Variants in SPINT2 observed in about 807,000 individuals in gnomAD.
The protein encoded by SPINT2 is kunitz-type protease inhibitor 2.
In SPINT2, 18 loss-of-function variants were observed where a neutral mutation model predicts 30.1. The ratio of observed to expected loss-of-function variants is 0.60; its 90% confidence interval spans 0.41 to 0.89. The LOEUF (loss-of-function observed/expected upper bound fraction) is 0.89. Among genes scored for constraint, SPINT2 ranks in the 40% least tolerant of loss-of-function variants. The pLI, the probability that SPINT2 is intolerant of heterozygous loss-of-function variation, is 0.00. For synonymous variants in SPINT2, 139 were observed against 137.9 expected (o/e 1.01, Z -0.05); for missense variants, 276 against 334.3 (o/e 0.83, Z 1.36).
chr19:38,264,974 G>T lies in SPINT2; in HGVS notation c.82G>T (p.Ala28Ser). The T allele has an allele frequency of 1.3e-6, 2 of 1,534,826 alleles. No individual in the cohort carries two copies. ...GSLLLSGVLA[A>S]DRERSIHDFC... ...GCTGCTCCTCTCTGGGGTCCTGGCG[G>T]CCGACCGAGAACGCAGCATCCACGG... Residue 28 changes from alanine to serine, a missense_variant, in exon 1 of 7, where the codon GCC becomes TCC. Physicochemically the swap from Ala to Ser is moderately conservative, Grantham distance 99. Coordinates refer to ENST00000301244, the MANE Select transcript of SPINT2 (RefSeq NM_021102.4).
At chr19:38,279,227 G>A (rs1347263631) in intron 1 of SPINT2, among the ~76,000 whole-genome samples, 7 of 151,280 alleles carry the variant, frequency 4.6e-5, no homozygotes, top group African/African-American at 1.2e-4. Flanking sequence ...GGCCAGGTGC[G>A]GTGGCTCGTG....
At position 38,290,098 on chromosome 19, in the gene SPINT2, C is replaced by A; in HGVS notation, c.392-21C>A. 6.2e-7 allele frequency: 1 copy of A among 1,612,230 alleles called. No individual in the cohort carries two copies. Among genetic ancestry groups the A allele is most frequent in the Non-Finnish European group, 8.5e-7 (1 of 1,180,008 alleles). On this transcript the variant is annotated intron_variant, in intron 4 of 6. Transcript: ENST00000301244. This position sits in a 1 kb window ranked among gnomAD's most constrained non-coding sequence, Gnocchi z 4.3. ...TTGCGGGCCCTACTAATTTGTATTCCCTGGGCTGTCTTACTCCTAGAATAC... is the reference window on the plus strand; with the variant it reads ...TTGCGGGCCCTACTAATTTGTATTCACTGGGCTGTCTTACTCCTAGAATAC...
At position 38,292,420 on chromosome 19, in the gene SPINT2, TA is replaced by T. The variant is rs1225881060; in HGVS notation, c.*416del. ...AGAAGGAAAGTAAAATGTACAAGTTTAATAAAAAGGGGCCTTCCCCTTTAGA... is the reference window on the plus strand; with the variant it reads ...AGAAGGAAAGTAAAATGTACAAGTTTATAAAAAGGGGCCTTCCCCTTTAGA... On this transcript the variant is annotated 3_prime_UTR_variant, in exon 7 of 7. Transcript: ENST00000301244. 1 of 169,740 alleles carries T rather than the reference TA, an allele frequency of 5.9e-6. No individual in the cohort carries two copies. Among genetic ancestry groups the T allele is most frequent in the South Asian group, 1.4e-4 (1 of 7,192 alleles). The allele number at this position is 169,740 out of a possible 1,614,324, so 10.5% of individuals were successfully genotyped here. A position where few individuals can be genotyped will look rare whatever the true frequency, so the allele number is the denominator to read the frequency against.
At chr19:38,289,511 A>C (rs954691873) in intron 4 of SPINT2, 4 of 232,302 alleles carry the variant, frequency 1.7e-5, no homozygotes, top group East Asian at 1.1e-4. Flanking sequence ...AAAAAAAAAA[A>C]AACTCCGAAG....
chr19:38,290,735 C>A lies in SPINT2; in HGVS notation c.592+160C>A. 9.6e-7 allele frequency: 1 copy of A among 1,045,652 alleles called. No individual in the cohort carries two copies. The highest frequency in any genetic ancestry group is 1.4e-6 in the Non-Finnish European group (1 of 704,356). 64.8% of individuals were successfully genotyped at this position (1,045,652 alleles called of 1,614,324 possible). On this transcript the variant is annotated intron_variant, in intron 6 of 6. Coordinates refer to ENST00000301244, the MANE Select transcript of SPINT2 (RefSeq NM_021102.4). The surrounding 1 kb of genome is among the most constrained non-coding windows in gnomAD (Gnocchi z 4.3). The stretch of plus-strand genomic sequence containing the variant: ...TGAGAATGGCGAGGTGGTGGTTTGT[C>A]CCACCGTTCAGTGTACACAGTTGGG...
intron 1 of SPINT2, among the ~76,000 whole-genome samples, chr19:38,271,219 C>T (rs1446120490): frequency 1.3e-5 from 2 of 152,258 alleles, no homozygotes; most frequent in African/African-American, 4.8e-5. Context: ...AGGCCGGGCG[C>T]GGTGGCTCAT....
intron 3 of SPINT2, chr19:38,288,884 T>C (rs1968675594): frequency 1.9e-6 from 1 of 520,542 alleles, no homozygotes; most frequent in South Asian, 2.1e-5. Context: ...CCCTATAATA[T>C]TAGGAGCTGT....
intron 1 of SPINT2, among the ~76,000 whole-genome samples, chr19:38,268,312 G>T (rs1255454283): frequency 6.6e-6 from 1 of 152,112 alleles, no homozygotes; most frequent in Non-Finnish European, 1.5e-5. Flanking sequence ...AGGTGAGAAA[G>T]CTCCCCTATC....
At position 38,290,687 on chromosome 19, in the gene SPINT2, T is replaced by C. The variant is rs1968707301; in HGVS notation, c.592+112T>C. The C allele has an allele frequency of 5.1e-6, 7 of 1,373,734 alleles. No homozygotes were observed. Among genetic ancestry groups the C allele is most frequent in the African/African-American group, 1.4e-5 (1 of 69,778 alleles). The allele number at this position is 1,373,734 out of a possible 1,614,324, so 85.1% of individuals were successfully genotyped here. A position where few individuals can be genotyped will look rare whatever the true frequency, so the allele number is the denominator to read the frequency against. On this transcript the variant is annotated intron_variant, in intron 6 of 6. Coordinates refer to ENST00000301244, the MANE Select transcript of SPINT2 (RefSeq NM_021102.4). The surrounding 1 kb of genome is among the most constrained non-coding windows in gnomAD (Gnocchi z 4.3). ...TTATCCTTCACTGTGAACATCATCT[T>C]GGCAGAAAGTCATGTTTCTGCGTGA...
At chr19:38,269,033 C>T (rs1968415791) in intron 1 of SPINT2, among the ~76,000 whole-genome samples, 1 of 152,072 alleles carries the variant, frequency 6.6e-6, no homozygotes. Flanking sequence ...TGGCCCTGGG[C>T]ATCAGAACTT....
At chr19:38,272,337 A>G (rs1250021321) in intron 1 of SPINT2, among the ~76,000 whole-genome samples, 1 of 152,236 alleles carries the variant, frequency 6.6e-6, no homozygotes, top group Non-Finnish European at 1.5e-5. Context: ...GCCGCTCTAC[A>G]TGAATAGATA....
chr19:38,265,162 G>A (rs1245525994), intron 1 of SPINT2, among the ~76,000 whole-genome samples, 164 bp downstream of exon 1: 2 of 152,222 alleles, frequency 1.3e-5, no homozygotes, highest in Non-Finnish European at 2.9e-5. Context: ...GCCTTGAAAT[G>A]AGGTTTGGGA....
chr19:38,264,607 G>T lies in SPINT2; in HGVS notation c.-286G>T. On this transcript the variant is annotated 5_prime_UTR_variant, in exon 1 of 7. Transcript: ENST00000301244. ...TCTGGCGACCTCCGCGCGTTGGGAG[G>T]TGTAGCGCGGCTCTGAACGCGCTGA... The T allele has an allele frequency of 2.4e-6, 1 of 421,668 alleles. No homozygotes were observed. The highest frequency in any genetic ancestry group is 2.7e-5 in the South Asian group (1 of 36,636). 26.1% of individuals were successfully genotyped at this position (421,668 alleles called of 1,614,324 possible). A position where few individuals can be genotyped will look rare whatever the true frequency, so the allele number is the denominator to read the frequency against.
intron 1 of SPINT2, among the ~76,000 whole-genome samples, chr19:38,269,607 CTTT>C (rs1189751582): frequency 5.7e-5 from 6 of 106,186 alleles, no homozygotes; most frequent in South Asian, 3.1e-4. Flanking sequence ...GATTTCTTTT[CTTT>C]TTTTTTTTTT....
chr19:38,281,875 C>T (rs548499622), intron 1 of SPINT2, among the ~76,000 whole-genome samples: 29 of 152,180 alleles, frequency 1.9e-4, no homozygotes, highest in Non-Finnish European at 3.8e-4. Flanking sequence ...ACCCCCAGTA[C>T]CAAGCAGCCA....
At chr19:38,271,423 T>C (rs1423295700) in intron 1 of SPINT2, among the ~76,000 whole-genome samples, 1 of 150,894 alleles carries the variant, frequency 6.6e-6, no homozygotes. Context: ...ACCCAGGAAG[T>C]GGAGCTTGCA....
intron 2 of SPINT2, among the ~76,000 whole-genome samples, chr19:38,284,568 C>T (rs1323944232): frequency 6.6e-6 from 1 of 152,176 alleles, no homozygotes; most frequent in African/African-American, 2.4e-5. Flanking sequence ...TCCTCCTCTT[C>T]CCAGAAAGGG....
At chr19:38,281,884 C>G (rs1004839578) in intron 1 of SPINT2, among the ~76,000 whole-genome samples, 2 of 152,152 alleles carry the variant, frequency 1.3e-5, no homozygotes, top group South Asian at 4.1e-4. Context: ...ACCAAGCAGC[C>G]ACTCATCTAC....
chr19:38,271,214 G>A (rs769113747), intron 1 of SPINT2, among the ~76,000 whole-genome samples: 13 of 152,166 alleles, frequency 8.5e-5, no homozygotes, highest in African/African-American at 1.2e-4. Context: ...GGGCGAGGCC[G>A]GGCGCGGTGG....
Sources: gnomAD v4.1 joint callset for allele counts (sites outside exome capture counted in the v4.1 genomes callset) on GRCh38, gnomAD v4.1.1 for gene constraint, Gnocchi (gnomAD v3.1) non-coding constraint, MANE v1.5 for transcripts, NCBI Gene and HGNC (gene_info 2026-07-23, HGNC 2026-07-21) for gene names.